SAMD8: variants seen among roughly 807,000 people sequenced by gnomAD.
The protein encoded by SAMD8 is sterile alpha motif domain containing 8.
SAMD8 carries 20 observed loss-of-function variants against 42.0 expected under a neutral mutation model. The observed-to-expected ratio is 0.48, with a 90% CI of 0.34 to 0.69. The LOEUF (loss-of-function observed/expected upper bound fraction) is 0.69. Among genes scored for constraint, SAMD8 ranks in the 30% least tolerant of loss-of-function variants. The pLI is 0.01. For missense variants in SAMD8, 328 were observed against 511.6 expected, an observed-to-expected ratio of 0.64 and a Z score of 3.46; for synonymous variants, 162 against 173.0, an observed-to-expected ratio of 0.94 and a Z score of 0.50.
chr10:75,113,608 C>A (rs530722007), intron 1 of SAMD8, among the ~76,000 whole-genome samples: 1 of 152,276 alleles, frequency 6.6e-6, no homozygotes, highest in East Asian at 1.9e-4. Context: ...TTTGCAACAG[C>A]TTTTAAATTA....
rs892579685 is a variant in SAMD8, at chr10:75,179,613, T to C, written c.*2921T>C. Reference sequence around the variant, plus strand: ...TATTATAAGGCAGTGTTTACATAAATTAATCATCTCTTTCTTGGAAAACAT... The same window carrying C: ...TATTATAAGGCAGTGTTTACATAAACTAATCATCTCTTTCTTGGAAAACAT... On this transcript the variant is annotated 3_prime_UTR_variant, in exon 6 of 6. Coordinates refer to ENST00000542569, the MANE Select transcript of SAMD8 (RefSeq NM_001174156.2). The C allele has an allele frequency of 6.6e-6, 1 of 152,248 alleles. No individual in the cohort carries two copies. Among genetic ancestry groups the C allele is most frequent in the African/African-American group, 2.4e-5 (1 of 41,478 alleles). 9.4% of individuals were successfully genotyped at this position (152,248 alleles called of 1,614,324 possible).
intron 1 of SAMD8, among the ~76,000 whole-genome samples, chr10:75,113,289 T>C (rs950226707): frequency 3.9e-5 from 6 of 152,232 alleles, no homozygotes; most frequent in Non-Finnish European, 7.3e-5. Flanking sequence ...TCTTTGACTT[T>C]AGCCACATGT....
intron 2 of SAMD8, among the ~76,000 whole-genome samples, chr10:75,155,514 G>A (rs1840392035): frequency 6.6e-6 from 1 of 152,032 alleles, no homozygotes; most frequent in Non-Finnish European, 1.5e-5. Flanking sequence ...AGCAAATGCT[G>A]CTGAAAGGTC....
chr10:75,109,176 C>G (rs962076833), upstream of SAMD8: 2 of 1,554,240 alleles, frequency 1.3e-6, no homozygotes, highest in Non-Finnish European at 1.7e-6. Context: ...CCGCCCACCC[C>G]TCTGCCTCTG....
chr10:75,165,594 C>G (rs550664879), intron 3 of SAMD8, among the ~76,000 whole-genome samples: 1 of 151,800 alleles, frequency 6.6e-6, no homozygotes, highest in East Asian at 1.9e-4. Flanking sequence ...TGGCATGAAC[C>G]CAGGAGGCAG....
chr10:75,136,636 T>C (rs1373959313), intron 1 of SAMD8, among the ~76,000 whole-genome samples: 4 of 152,180 alleles, frequency 2.6e-5, no homozygotes, highest in Non-Finnish European at 4.4e-5. Context: ...ATATTTAAAT[T>C]GGCCTGTCAG....
chr10:75,154,824 A>G (rs1840372870), intron 2 of SAMD8, among the ~76,000 whole-genome samples: 1 of 152,214 alleles, frequency 6.6e-6, no homozygotes, highest in African/African-American at 2.4e-5. Flanking sequence ...TAGAGCTAAC[A>G]GAATTTGCTG....
intron 1 of SAMD8, among the ~76,000 whole-genome samples, chr10:75,136,028 C>G (rs1380710152): frequency 1.3e-5 from 2 of 152,114 alleles, no homozygotes; most frequent in Non-Finnish European, 2.9e-5. Flanking sequence ...CAAAAACCCA[C>G]TAAGCTCTTC....
At chr10:75,158,058 C>T (rs1840458131) in intron 2 of SAMD8, among the ~76,000 whole-genome samples, 1 of 151,726 alleles carries the variant, frequency 6.6e-6, no homozygotes. Flanking sequence ...ACTCGGGAGG[C>T]TGAGGCAGGA....
At position 75,122,504 on chromosome 10, in the gene SAMD8, T is replaced by C. The variant is rs562444695; in HGVS notation, c.-16+10782T>C. Among the ~76,000 whole-genome samples the C allele has an allele frequency of 3.3e-5, 5 of 152,088 alleles. No individual in the cohort carries two copies. In the South Asian group the frequency reaches 8.3e-4, roughly 25 times the overall value. On this transcript the variant is annotated intron_variant, in intron 1 of 5. Coordinates refer to ENST00000542569, the MANE Select transcript of SAMD8 (RefSeq NM_001174156.2). The stretch of plus-strand genomic sequence containing the variant: ...TGGGGGCACCAGTAATCCCAGCTAC[T>C]TGGGAGGCTGAGGCATGAGAATCAC...
At chr10:75,139,397 A>G (rs1412023656) in intron 1 of SAMD8, among the ~76,000 whole-genome samples, 3 of 152,232 alleles carry the variant, frequency 2.0e-5, no homozygotes, top group African/African-American at 7.2e-5. Flanking sequence ...AATTTAACCT[A>G]AAGCAATGCA....
chr10:75,117,020 A>G (rs1471729856), intron 1 of SAMD8, among the ~76,000 whole-genome samples: 1 of 149,746 alleles, frequency 6.7e-6, no homozygotes, highest in African/African-American at 2.4e-5. Flanking sequence ...TATGTTGCTC[A>G]GGCTGGTTTT....
intron 1 of SAMD8, among the ~76,000 whole-genome samples, chr10:75,129,059 G>C (rs1011165226): frequency 6.6e-6 from 1 of 151,204 alleles, no homozygotes; most frequent in Non-Finnish European, 1.5e-5. Context: ...ATCTCAACTG[G>C]ATCTTTTTTC....
intron 1 of SAMD8, chr10:75,150,279 ATTTTTTTT>A (rs34826271): frequency 1.3e-3 from 175 of 134,182 alleles, no homozygotes; most frequent in African/African-American, 5.6e-3. Flanking sequence ...CCAGGCTAAA[ATTTTTTTT>A]TTTTTTTTTT....
intron 1 of SAMD8, among the ~76,000 whole-genome samples, chr10:75,128,198 G>A (rs563561565): frequency 1.3e-5 from 2 of 148,286 alleles, no homozygotes; most frequent in African/African-American, 5.0e-5. Flanking sequence ...TCAGCCTCCC[G>A]AGTAGCTGGG....
At chr10:75,154,493 G>A (rs1198920399) in intron 2 of SAMD8, among the ~76,000 whole-genome samples, 1 of 152,202 alleles carries the variant, frequency 6.6e-6, no homozygotes, top group Non-Finnish European at 1.5e-5. Context: ...AACAACCAGT[G>A]AGAGATGAGC....
chr10:75,114,445 C>G (rs1355364193), intron 1 of SAMD8, among the ~76,000 whole-genome samples: 1 of 152,162 alleles, frequency 6.6e-6, no homozygotes, highest in Non-Finnish European at 1.5e-5. Flanking sequence ...ACCATAACCC[C>G]CCTTCTGCAA....
intron 1 of SAMD8, among the ~76,000 whole-genome samples, chr10:75,148,629 A>G (rs2134477042): frequency 6.6e-6 from 1 of 152,334 alleles, no homozygotes; most frequent in South Asian, 2.1e-4. Flanking sequence ...CTGGGATTAC[A>G]GGCGTGAGCC....
intron 1 of SAMD8, among the ~76,000 whole-genome samples, chr10:75,142,223 C>T (rs1840031519): frequency 6.6e-6 from 1 of 152,084 alleles, no homozygotes; most frequent in African/African-American, 2.4e-5. Flanking sequence ...GCTGGGATTA[C>T]AGGCATGAGC....
Sources: allele counts gnomAD v4.1 joint callset (sites outside exome capture counted in the v4.1 genomes callset), GRCh38; gene constraint gnomAD v4.1.1; transcripts MANE v1.5; gene names NCBI Gene and HGNC (gene_info 2026-07-23, HGNC 2026-07-21).